The following EFL1 variants were observed in gnomAD, a reference collection of about 807,000 sequenced individuals.
EFL1 encodes the protein elongation factor like GTPase 1, also known as elongation factor-like GTPase 1.
In EFL1, 76 loss-of-function variants were observed where a neutral mutation model predicts 126.7. The observed-to-expected ratio is 0.60, with a 90% CI of 0.50 to 0.73. EFL1 has a LOEUF of 0.73. Ranked by LOEUF, EFL1 falls within the 30% of genes least tolerant of loss-of-function variation. The pLI, the probability that EFL1 is intolerant of heterozygous loss-of-function variation, is 0.00. For missense variants in EFL1, 1,128 were observed against 1,343.2 expected (o/e 0.84, Z 2.50); for synonymous variants, 410 against 448.4 (o/e 0.91, Z 1.08).
chr15:82,164,757 C>T (rs957990768), intron 15 of EFL1, among the ~76,000 whole-genome samples: 8 of 152,000 alleles, frequency 5.3e-5, no homozygotes, highest in Admixed American at 2.0e-4. Flanking sequence ...ATTAGCCGGG[C>T]GTGGTGGTGG....
chr15:82,161,068 G>A (rs987647511), intron 16 of EFL1, among the ~76,000 whole-genome samples: 2 of 152,122 alleles, frequency 1.3e-5, no homozygotes, highest in Non-Finnish European at 2.9e-5. Context: ...ATGAGATTTT[G>A]ACCCCCACTT....
chr15:82,163,782 C>A, intron 16 of EFL1, 71 bp downstream of exon 16: 3 of 1,537,074 alleles, frequency 2.0e-6, no homozygotes, highest in South Asian at 2.5e-5. Flanking sequence ...CATGAGGAAT[C>A]AAATACTAAA....
chr15:82,215,875 G>T (rs1256828436), intron 14 of EFL1, among the ~76,000 whole-genome samples: 2 of 152,076 alleles, frequency 1.3e-5, no homozygotes, highest in African/African-American at 4.8e-5. Flanking sequence ...TATGTGTTCT[G>T]CTAAAATGAC....
At chr15:82,164,284 G>GAA (rs1288792453) in intron 15 of EFL1, among the ~76,000 whole-genome samples, 1 of 152,106 alleles carries the variant, frequency 6.6e-6, no homozygotes, top group Non-Finnish European at 1.5e-5. Flanking sequence ...ATATTTGTCT[G>GAA]AAAACACTGA....
chr15:82,232,197 C>CCTT (rs2074829439), intron 7 of EFL1, among the ~76,000 whole-genome samples: 1 of 152,066 alleles, frequency 6.6e-6, no homozygotes, highest in Non-Finnish European at 1.5e-5. Flanking sequence ...AGAAGGGAGC[C>CCTT]CTATTTGTTA....
chr15:82,218,948 G>GTCC (rs2074679690), intron 14 of EFL1, among the ~76,000 whole-genome samples: 1 of 152,058 alleles, frequency 6.6e-6, no homozygotes, highest in Non-Finnish European at 1.5e-5. Flanking sequence ...GCACAGAGAG[G>GTCC]AGCATGGGTT....
chr15:82,180,774 T>A (rs1274900391), intron 15 of EFL1, among the ~76,000 whole-genome samples: 1 of 151,936 alleles, frequency 6.6e-6, no homozygotes, highest in Non-Finnish European at 1.5e-5. Context: ...TAAGACAGGC[T>A]GGAGTACAGT....
intron 4 of EFL1, among the ~76,000 whole-genome samples, chr15:82,252,319 T>C (rs940626960): frequency 6.6e-6 from 1 of 152,238 alleles, no homozygotes; most frequent in Admixed American, 6.5e-5. Flanking sequence ...GACAGCAAGC[T>C]GGTACTGATC....
At position 82,222,492 on chromosome 15, in the gene EFL1, ATCTG is replaced by A. The variant is rs538711819; in HGVS notation, c.1293-2267_1293-2264del. Among the ~76,000 whole-genome samples, 707 of 152,334 alleles carry A rather than the reference ATCTG, an allele frequency of 4.6e-3. 2 individuals are homozygous for A. The highest frequency in any genetic ancestry group is 0.02 in the Middle Eastern group (6 of 294). ...TTGTTCACTTGCAGATTAAATCCTC[ATCTG>A]TCTAAGTTCATGAAGTGATCTGGAA... On this transcript the variant is annotated intron_variant, in intron 12 of 19. Coordinates refer to ENST00000268206, the MANE Select transcript of EFL1 (RefSeq NM_024580.6).
At chr15:82,149,132 A>C (rs1443365247) in intron 18 of EFL1, among the ~76,000 whole-genome samples, 1 of 152,222 alleles carries the variant, frequency 6.6e-6, no homozygotes, top group Non-Finnish European at 1.5e-5. Flanking sequence ...CAATGTGTTA[A>C]GATGGTGGTG....
At chr15:82,150,932 G>A (rs1304809336) in intron 18 of EFL1, among the ~76,000 whole-genome samples, 1 of 152,102 alleles carries the variant, frequency 6.6e-6, no homozygotes, top group Non-Finnish European at 1.5e-5. Flanking sequence ...CTCTCATTAC[G>A]GAAAGGATTC....
intron 18 of EFL1, among the ~76,000 whole-genome samples, chr15:82,139,640 T>C (rs1225487517): frequency 3.3e-5 from 5 of 152,252 alleles, no homozygotes; most frequent in Admixed American, 2.0e-4. Context: ...TAGAGATACA[T>C]TGAAAATCAC....
At chr15:82,199,992 A>G (rs1256596832) in intron 15 of EFL1, among the ~76,000 whole-genome samples, 1 of 152,270 alleles carries the variant, frequency 6.6e-6, no homozygotes, top group South Asian at 2.1e-4. Context: ...ACAGGCTTGC[A>G]AATACAGCAG....
intron 18 of EFL1, among the ~76,000 whole-genome samples, chr15:82,147,627 GAAAA>G (rs375857086): frequency 1.2e-5 from 1 of 83,946 alleles, no homozygotes; most frequent in Non-Finnish European, 2.4e-5. Context: ...GGGCAATAGT[GAAAA>G]AAAAAAAAAA....
At chr15:82,213,647 T>C (rs979638696) in intron 15 of EFL1, among the ~76,000 whole-genome samples, 27 of 152,210 alleles carry the variant, frequency 1.8e-4, no homozygotes, top group African/African-American at 6.0e-4. Context: ...TTATACCTCA[T>C]GTTCCATTTA....
At chr15:82,222,805 T>G (rs1160333676) in intron 12 of EFL1, among the ~76,000 whole-genome samples, 1 of 152,244 alleles carries the variant, frequency 6.6e-6, no homozygotes. Flanking sequence ...TAGGCTATAG[T>G]TAAACTAACC....
intron 7 of EFL1, among the ~76,000 whole-genome samples, chr15:82,237,253 G>A (rs2074882573): frequency 6.6e-6 from 1 of 152,154 alleles, no homozygotes; most frequent in African/African-American, 2.4e-5. Flanking sequence ...GAAAATATTT[G>A]CAAAGCACAT....
At chr15:82,175,417 G>T (rs182996766) in intron 15 of EFL1, among the ~76,000 whole-genome samples, 149 of 152,264 alleles carry the variant, frequency 9.8e-4, no homozygotes, top group South Asian at 7.3e-3. Flanking sequence ...AACAGAAGCA[G>T]TTCTGTTATT....
At chr15:82,211,560 A>ACACACACT (rs1312203997) in intron 15 of EFL1, among the ~76,000 whole-genome samples, 1 of 134,060 alleles carries the variant, frequency 7.5e-6, no homozygotes, top group Non-Finnish European at 1.6e-5. Context: ...ACACACACAC[A>ACACACACT]CACACACACA....
Sources: allele counts gnomAD v4.1 joint callset (sites outside exome capture counted in the v4.1 genomes callset), GRCh38; gene constraint gnomAD v4.1.1; transcripts MANE v1.5; gene names NCBI Gene and HGNC (gene_info 2026-07-23, HGNC 2026-07-21).